ERC1: variants seen among roughly 807,000 people sequenced by gnomAD.
The protein encoded by ERC1 is ELKS/RAB6-interacting/CAST family member 1.
Under a neutral mutation model 132.0 loss-of-function variants are expected in ERC1, and 56 were observed. The observed-to-expected ratio is 0.42, with a 90% confidence interval of 0.34 to 0.53. The LOEUF is 0.53. Ranked by LOEUF, ERC1 falls within the 20% of genes least tolerant of loss-of-function variation. The pLI is 0.03. For synonymous variants in ERC1, 478 were observed against 476.1 expected, an observed-to-expected ratio of 1.00 and a Z score of -0.05; for missense variants, 1,202 against 1,349.9, an observed-to-expected ratio of 0.89 and a Z score of 1.72.
intron 17 of ERC1, among the ~76,000 whole-genome samples, chr12:1,418,638 TCTTTCTCTCTCTC>T: frequency 3.8e-5 from 4 of 105,534 alleles, no homozygotes; most frequent in African/African-American, 2.2e-4. Context: ...TTTCTTTCTT[TCTTTCTCTCTCTC>T]TCTCTCTCTC....
At chr12:1,189,100 A>T (rs1332544857) in intron 11 of ERC1, among the ~76,000 whole-genome samples, 3 of 151,968 alleles carry the variant, frequency 2.0e-5, no homozygotes, top group African/African-American at 7.3e-5. Context: ...TCCAATAGAG[A>T]TGGGGCCTTG....
rs921848480 is a variant in ERC1, at chr12:1,232,896, T to TA, written c.2352-3863dup. On this transcript the variant is annotated intron_variant, in intron 12 of 18. Coordinates refer to ENST00000360905, the MANE Select transcript of ERC1 (RefSeq NM_178040.4). ...ACTGTAAACCGAATACATGGAAAAA[T>TA]AAAAAAAAAACAATAGAAAAATAAT... is the stretch of plus-strand genomic sequence containing the variant. Among the ~76,000 whole-genome samples the TA allele has an allele frequency of 7.4e-3, 1,082 of 146,214 alleles. 18 individuals carry two copies. Among genetic ancestry groups the TA allele is most frequent in the African/African-American group, 0.023 (928 of 39,962 alleles).
At position 1,050,917 on chromosome 12, in the gene ERC1, A is replaced by G. The variant is rs1356514248; in HGVS notation, c.669+22345A>G. ...CTACTAGAGAGGCTGAGGCAGGAGA[A>G]TCGCTTGAACCCGGGAGGCGGAAGT... On this transcript the variant is annotated intron_variant, in intron 2 of 18. Coordinates refer to ENST00000360905, the MANE Select transcript of ERC1 (RefSeq NM_178040.4). 4.3e-4 allele frequency among the ~76,000 whole-genome samples: 65 copies of G among 152,124 alleles called. 1 individual carries two copies. Among genetic ancestry groups the G allele is most frequent in the Admixed American group, 4.2e-3 (64 of 15,276 alleles).
chr12:1,181,140 A>C (rs938903780), intron 9 of ERC1, among the ~76,000 whole-genome samples: 18 of 152,098 alleles, frequency 1.2e-4, no homozygotes, highest in African/African-American at 4.3e-4. Flanking sequence ...AAACTTCTTG[A>C]GTATCTGTTG....
rs113171487 is a variant in ERC1 at position 1,388,632 on chromosome 12, G to A, written c.2925+16655G>A. The stretch of plus-strand genomic sequence containing the variant: ...CCATGGAGAGGCTTTTAGTCTCACC[G>A]ATGTTTTCAGAGTTTTCTTTTATAG... On this transcript the variant is annotated intron_variant, in intron 16 of 18. Coordinates refer to ENST00000360905, the MANE Select transcript of ERC1 (RefSeq NM_178040.4). 2.8e-3 allele frequency among the ~76,000 whole-genome samples: 424 copies of A among 152,282 alleles called. 1 individual carries two copies. Among genetic ancestry groups the A allele is most frequent in the African/African-American group, 7.5e-3 (310 of 41,552 alleles).
chr12:1,055,174 TC>T (rs1373893696), intron 2 of ERC1, among the ~76,000 whole-genome samples: 1 of 152,126 alleles, frequency 6.6e-6, no homozygotes, highest in Non-Finnish European at 1.5e-5. Flanking sequence ...CTTTCCTTTT[TC>T]TTTCTTCTTT....
At chr12:1,171,286 C>G (rs1953030538) in intron 8 of ERC1, among the ~76,000 whole-genome samples, 2 of 151,368 alleles carry the variant, frequency 1.3e-5, no homozygotes, top group Non-Finnish European at 2.9e-5. Flanking sequence ...GTCAGTCTTG[C>G]AGCTTCTCAT....
At chr12:1,424,880 A>AGATG (rs1054130243) in intron 17 of ERC1, among the ~76,000 whole-genome samples, 1 of 147,398 alleles carries the variant, frequency 6.8e-6, no homozygotes, top group Non-Finnish European at 1.5e-5. Flanking sequence ...ATAGATAGAT[A>AGATG]GATAGATAGA....
chr12:1,433,847 A>G (rs1565429463), intron 17 of ERC1, among the ~76,000 whole-genome samples: 1 of 152,168 alleles, frequency 6.6e-6, no homozygotes, highest in Non-Finnish European at 1.5e-5. Context: ...AAGCATGAAG[A>G]GAGCTATTGC....
rs377402750 is a variant in ERC1 at position 1,112,354 on chromosome 12, C to G, written c.1401+56C>G. 902 of 1,270,910 alleles carry G rather than the reference C, an allele frequency of 7.1e-4. 1 individual carries two copies. The highest frequency in any genetic ancestry group is 1.0e-3 in the South Asian group (85 of 83,836). 78.7% of individuals were successfully genotyped at this position (1,270,910 alleles called of 1,614,324 possible). A position where few individuals can be genotyped will look rare whatever the true frequency, so the allele number is the denominator to read the frequency against. On this transcript the variant is annotated intron_variant, in intron 6 of 18. Coordinates refer to ENST00000360905, the MANE Select transcript of ERC1 (RefSeq NM_178040.4). ...GCAGTGGTCCCACAGTGGGACCCTG[C>G]TAGCTCTATGGCTTCTGGGTGGCTT...
At chr12:1,066,759 G>A (rs541524156) in intron 2 of ERC1, among the ~76,000 whole-genome samples, 1 of 150,774 alleles carries the variant, frequency 6.6e-6, no homozygotes, top group South Asian at 2.1e-4. Context: ...ATTGCTTGAC[G>A]CTGGGAGGTG....
At chr12:1,344,701 G>A (rs1175056676) in intron 15 of ERC1, among the ~76,000 whole-genome samples, 2 of 152,010 alleles carry the variant, frequency 1.3e-5, no homozygotes, top group African/African-American at 4.8e-5. Context: ...ATTTGTTAAG[G>A]GCCTGCCATG....
intron 15 of ERC1, among the ~76,000 whole-genome samples, chr12:1,309,621 GT>G (rs1399032595): frequency 7.3e-5 from 11 of 151,140 alleles, no homozygotes; most frequent in Admixed American, 6.6e-4. Flanking sequence ...CTCCCTTTTT[GT>G]CTCTTCGTTA....
intron 18 of ERC1, among the ~76,000 whole-genome samples, chr12:1,454,570 T>C (rs1198590718): frequency 1.3e-5 from 2 of 152,184 alleles, no homozygotes; most frequent in Non-Finnish European, 2.9e-5. Context: ...CCGGTTGGCG[T>C]CTGCTGGAGA....
At chr12:1,169,587 C>T (rs978528062) in intron 8 of ERC1, among the ~76,000 whole-genome samples, 1 of 152,132 alleles carries the variant, frequency 6.6e-6, no homozygotes, top group Admixed American at 6.5e-5. Context: ...GTCTGCTTTC[C>T]GGGAAACCCA....
At chr12:1,002,737 C>T (rs1019614654) in intron 1 of ERC1, among the ~76,000 whole-genome samples, 1 of 152,086 alleles carries the variant, frequency 6.6e-6, no homozygotes, top group Non-Finnish European at 1.5e-5. Flanking sequence ...GTAGTAGTAT[C>T]TCTTGGTTTT....
chr12:1,361,331 C>T (rs2086096101), intron 15 of ERC1, among the ~76,000 whole-genome samples: 1 of 151,604 alleles, frequency 6.6e-6, no homozygotes, highest in South Asian at 2.1e-4. Context: ...ATGGGTGCAG[C>T]ACACCAACAG....
intron 18 of ERC1, among the ~76,000 whole-genome samples, chr12:1,472,149 A>G (rs942771731): frequency 8.5e-5 from 13 of 152,166 alleles, no homozygotes; most frequent in African/African-American, 3.1e-4. Context: ...GGGATAGGGG[A>G]CAGGGTAGAA....
chr12:1,189,609 T>C (rs1487332686), intron 11 of ERC1, among the ~76,000 whole-genome samples: 1 of 152,250 alleles, frequency 6.6e-6, no homozygotes, highest in Non-Finnish European at 1.5e-5. Context: ...TGATGGTGTT[T>C]GATTTAATAA....
Sources: gnomAD v4.1 joint callset for allele counts (sites outside exome capture counted in the v4.1 genomes callset) on GRCh38, gnomAD v4.1.1 for gene constraint, MANE v1.5 for transcripts, NCBI Gene and HGNC (gene_info 2026-07-23, HGNC 2026-07-21) for gene names.